LRP2: variants seen among roughly 807,000 people sequenced by gnomAD.
LRP2 encodes the protein low-density lipoprotein receptor-related protein 2.
LRP2 carries 172 observed loss-of-function variants against 531.0 expected under a neutral mutation model. That is an observed-to-expected ratio of 0.32 (90% CI 0.29 to 0.37). The LOEUF is 0.37. Ranked by LOEUF, LRP2 falls within the 10% of genes least tolerant of loss-of-function variation. The pLI is 1.00. For missense variants in LRP2, 5,167 were observed against 5,868.3 expected, an observed-to-expected ratio of 0.88 and a Z score of 3.90; for synonymous variants, 1,992 against 2,027.6, an observed-to-expected ratio of 0.98 and a Z score of 0.47.
intron 2 of LRP2, among the ~76,000 whole-genome samples, chr2:169,319,855 C>T (rs1239757579): frequency 6.6e-6 from 1 of 152,230 alleles, no homozygotes; most frequent in Non-Finnish European, 1.5e-5. Context: ...GAGCACTGTA[C>T]AGAACCCCAT....
In LRP2 at chr2:169,275,186, A is replaced by T; in HGVS notation, c.1825T>A (p.Leu609Ile). 6.2e-7 allele frequency: 1 copy of T among 1,613,796 alleles called. No homozygotes were observed. Among genetic ancestry groups the T allele is most frequent in the African/African-American group, 1.3e-5 (1 of 75,016 alleles). Residue 609 changes from leucine to isoleucine, a missense_variant, in exon 14 of 79, where the codon TTA becomes ATA. Leu to Ile is a conservative substitution (Grantham distance 5). Around this residue, in one of 6 missense-constraint regions of LRP2, gnomAD observed 2,811 missense variants for 3,058.0 expected, o/e 0.92. Transcript: ENST00000649046. Reference protein sequence around the residue: ...SLIPHPFGVSLFEGQVFFTDW... With the variant: ...SLIPHPFGVSIFEGQVFFTDW... ...GTAAAGAACACCTGACCTTCAAATA[A>T]GCTTACTCCAAAGGGATGAGGAATG... is the stretch of plus-strand genomic sequence containing the variant.
chr2:169,163,371 C>T (rs895205555), intron 62 of LRP2, among the ~76,000 whole-genome samples: 2 of 152,102 alleles, frequency 1.3e-5, no homozygotes, highest in Non-Finnish European at 2.9e-5. Flanking sequence ...CAGAAATTTG[C>T]TGTGTGAGAA....
Position 169,282,906 on chromosome 2 carries a change from C to T in LRP2, c.1138G>A (p.Glu380Lys), listed in dbSNP as rs1373385026. Reference sequence around the variant, plus strand: ...TTAGCTTTGCAATACTGTCCACGCTCCAAGATATACCCTTCTTCACAGTGG... The same window carrying T: ...TTAGCTTTGCAATACTGTCCACGCTTCAAGATATACCCTTCTTCACAGTGG... The part of the protein sequence containing the change: ...LCHCEEGYIL[E>K]RGQYCKANDS... Residue 380 changes from glutamate (E) to lysine (K), a missense_variant, in exon 10 of 79, where the codon GAG (glutamate) becomes AAG (lysine). Glu to Lys is a moderately conservative substitution (Grantham distance 56). This residue lies in a region of LRP2 where 2,811 missense variants were observed against 3,058.0 expected (regional missense o/e 0.92). Coordinates refer to ENST00000649046, the MANE Select transcript of LRP2 (RefSeq NM_004525.3). 3 of 1,613,992 alleles carry T rather than the reference C, an allele frequency of 1.9e-6. No homozygotes were observed. Among genetic ancestry groups the T allele is most frequent in the Admixed American group, 1.7e-5 (1 of 60,008 alleles).
At chr2:169,330,645 G>A (rs1685239960) in intron 1 of LRP2, among the ~76,000 whole-genome samples, 1 of 152,104 alleles carries the variant, frequency 6.6e-6, no homozygotes, top group South Asian at 2.1e-4. Context: ...AACTGTCCTG[G>A]TCAAAGCAGT....
Position 169,257,115 on chromosome 2 carries a change from C to A in LRP2, c.2639+9G>T. ...GAACTAAGTATCGGGGATGATGATT[C>A]CTACTTACGCCCAATCGATGGCCAA... On this transcript the variant is annotated intron_variant, in intron 18 of 78. Transcript: ENST00000649046. The A allele has an allele frequency of 1.2e-6, 2 of 1,612,396 alleles. No individual in the cohort carries two copies. Among genetic ancestry groups the A allele is most frequent in the South Asian group, 2.2e-5 (2 of 91,004 alleles).
At position 169,290,897 on chromosome 2, in the gene LRP2, T is replaced by C; in HGVS notation, c.870A>G (p.Leu290=). 1 of 1,614,178 alleles carries C rather than the reference T, an allele frequency of 6.2e-7. No homozygotes were observed. The highest frequency in any genetic ancestry group is 8.5e-7 in the Non-Finnish European group (1 of 1,180,008). ...TTTCATCTTCTCTTCCTGGGCAATC[T>C]AAAATCCCATCACAAACTTTATAAA... ...ISIYKVCDGI[L]DCPGREDENN... Residue 290 remains leucine, a synonymous_variant, in exon 8 of 79, where the codon TTA becomes TTG. Coordinates refer to ENST00000649046, the MANE Select transcript of LRP2 (RefSeq NM_004525.3).
intron 62 of LRP2, among the ~76,000 whole-genome samples, chr2:169,165,279 A>G (rs551070608): frequency 6.6e-6 from 1 of 152,232 alleles, no homozygotes; most frequent in African/African-American, 2.4e-5. Flanking sequence ...AGGCAAATTA[A>G]ATTGCCCAGA....
intron 40 of LRP2, 126 bp downstream of exon 40, chr2:169,205,897 A>T: frequency 7.6e-7 from 1 of 1,307,936 alleles, no homozygotes; most frequent in Non-Finnish European, 1.1e-6. Flanking sequence ...ATATGCTTTC[A>T]TTTTTGAATC....
intron 20 of LRP2, 65 bp downstream of exon 20, chr2:169,247,313 G>A: frequency 6.5e-7 from 1 of 1,543,276 alleles, no homozygotes; most frequent in South Asian, 1.1e-5. Context: ...AAGAGAACAG[G>A]AGCCACTGTA....
In LRP2 at chr2:169,185,586, C is replaced by T; in HGVS notation, c.9762G>A (p.Met3254Ile). The change falls in exon 50 of 79, where the codon ATG becomes ATA. Residue 3254 changes from methionine to isoleucine, a missense_variant. This residue lies in a region of LRP2 where 1,129 missense variants were observed against 1,362.7 expected (regional missense o/e 0.83). Coordinates refer to ENST00000649046, the MANE Select transcript of LRP2 (RefSeq NM_004525.3). ...TCTCCTTGTTTGTCTTATTCAGAAA[C>T]ATTCTCTCAATGACTTGCCTCTGTG... is the stretch of plus-strand genomic sequence containing the variant. ...IDTQRQVIER[M>I]FLNKTNKETI... The T allele has an allele frequency of 6.2e-7, 1 of 1,614,108 alleles. No individual in the cohort carries two copies. The highest frequency in any genetic ancestry group is 8.5e-7 in the Non-Finnish European group (1 of 1,180,004).
chr2:169,148,520 G>A (rs1364247053), intron 68 of LRP2, among the ~76,000 whole-genome samples: 2 of 152,048 alleles, frequency 1.3e-5, no homozygotes, highest in Non-Finnish European at 2.9e-5. Flanking sequence ...TGGTGTGCAA[G>A]TAGAAGGCTG....
At chr2:169,246,180 C>A (rs941422530) in intron 21 of LRP2, among the ~76,000 whole-genome samples, 3 of 151,710 alleles carry the variant, frequency 2.0e-5, no homozygotes, top group African/African-American at 7.3e-5. Context: ...CTGAGCTCAT[C>A]TATTTCTTTT....
chr2:169,324,286 A>G (rs1684985318), intron 1 of LRP2, among the ~76,000 whole-genome samples: 2 of 152,232 alleles, frequency 1.3e-5, no homozygotes, highest in East Asian at 3.9e-4. Flanking sequence ...CTACTTGACC[A>G]CTACTCTATG....
chr2:169,226,523 C>T lies in LRP2; in HGVS notation c.5293G>A (p.Val1765Met), dbSNP rs116456291. 2,913 of 1,613,152 alleles carry T rather than the reference C, an allele frequency of 1.8e-3. 48 individuals carry two copies. The African/African-American group carries it at 0.034, about 19-fold the overall frequency. The change falls in exon 32 of 79, where the codon GTG becomes ATG. Residue 1765 changes from valine to methionine, a missense_variant. By Grantham distance (21) the Val-to-Met change is conservative (BLOSUM62 1). This residue lies in a region of LRP2 where 2,811 missense variants were observed against 3,058.0 expected (regional missense o/e 0.92). Transcript: ENST00000649046. ...IIFGISLNPE[V>M]KSNDAMVPIA... ...GGGACCATAGCATCATTGCTCTTCA[C>T]CTCAGGATTAAGGGAGATTCCAAAA...
chr2:169,299,669 A>G (rs896771612), intron 4 of LRP2, among the ~76,000 whole-genome samples: 1 of 152,154 alleles, frequency 6.6e-6, no homozygotes, highest in African/African-American at 2.4e-5. Flanking sequence ...ACAAATGTTT[A>G]TAATGTACAT....
At chr2:169,317,074 G>T (rs976749337) in intron 3 of LRP2, among the ~76,000 whole-genome samples, 1 of 152,098 alleles carries the variant, frequency 6.6e-6, no homozygotes, top group Non-Finnish European at 1.5e-5. Context: ...ATCTAATGGA[G>T]AATTTTTATA....
chr2:169,173,015 C>CGGTGGCG, intron 57 of LRP2, 81 bp downstream of exon 57: 1 of 1,399,860 alleles, frequency 7.1e-7, no homozygotes, highest in Non-Finnish European at 1.0e-6. Context: ...GGGAAATACA[C>CGGTGGCG]TCTCATCTCT....
At chr2:169,351,739 A>G (rs1685854969) in intron 1 of LRP2, among the ~76,000 whole-genome samples, 1 of 152,210 alleles carries the variant, frequency 6.6e-6, no homozygotes, top group African/African-American at 2.4e-5. Context: ...ATGTCAAGCG[A>G]GGCTAGTCAG....
chr2:169,242,381 A>G (rs1260007570), intron 24 of LRP2, among the ~76,000 whole-genome samples: 1 of 152,230 alleles, frequency 6.6e-6, no homozygotes, highest in African/African-American at 2.4e-5. Flanking sequence ...CAACTAGAAG[A>G]AATTTCTTTT....
Sources: allele counts gnomAD v4.1 joint callset (sites outside exome capture counted in the v4.1 genomes callset), GRCh38; gene constraint gnomAD v4.1.1; regional missense constraint gnomAD v4.1.1; transcripts MANE v1.5; gene names NCBI Gene and HGNC (gene_info 2026-07-23, HGNC 2026-07-21).